Variants in ZNF385D observed in about 807,000 individuals in gnomAD.
ZNF385D encodes zinc finger protein 659.
Under a neutral mutation model 35.8 loss-of-function variants are expected in ZNF385D, and 15 were observed. That is an observed-to-expected ratio of 0.42 (90% CI 0.28 to 0.64). The LOEUF is 0.64. ZNF385D is among the 30% of genes least tolerant of loss of function. ZNF385D has a pLI of 0.23. For synonymous variants in ZNF385D, 212 were observed against 186.8 expected (o/e 1.13, Z -1.10); for missense variants, 474 against 494.6 (o/e 0.96, Z 0.39).
At chr3:22,173,019 G>C (rs1694569892) in intron 2 of ZNF385D, among the ~76,000 whole-genome samples, 1 of 152,190 alleles carries the variant, frequency 6.6e-6, no homozygotes, top group Non-Finnish European at 1.5e-5. Context: ...ACAGTGACAG[G>C]TCACATTGAT....
chr3:21,425,234 A>G (rs1700965149), intron 6 of ZNF385D, among the ~76,000 whole-genome samples: 1 of 152,246 alleles, frequency 6.6e-6, no homozygotes, highest in Admixed American at 6.5e-5. Flanking sequence ...AAGAATAGTA[A>G]AAACTCACAG....
chr3:22,065,939 G>A (rs1699927089), intron 3 of ZNF385D, among the ~76,000 whole-genome samples: 1 of 152,140 alleles, frequency 6.6e-6, no homozygotes, highest in African/African-American at 2.4e-5. Context: ...GTGGAGTGAG[G>A]AGAACAGTAT....
chr3:22,183,054 C>A (rs981778574), intron 2 of ZNF385D, among the ~76,000 whole-genome samples: 1 of 151,810 alleles, frequency 6.6e-6, no homozygotes, highest in Non-Finnish European at 1.5e-5. Flanking sequence ...CAAGGAAGAG[C>A]CTTAATAAAA....
chr3:22,339,607 AAAG>A (rs1349034059), intron 2 of ZNF385D, among the ~76,000 whole-genome samples: 3 of 152,220 alleles, frequency 2.0e-5, no homozygotes, highest in Non-Finnish European at 4.4e-5. Context: ...GCTCAGAAAT[AAAG>A]TAGTACCTCT....
chr3:22,114,302 T>A (rs562035735), intron 3 of ZNF385D, among the ~76,000 whole-genome samples: 38 of 152,082 alleles, frequency 2.5e-4, no homozygotes, highest in Non-Finnish European at 4.9e-4. Flanking sequence ...AACATTTGCA[T>A]ATATAAAATG....
chr3:21,753,848 C>G (rs983839561), upstream of ZNF385D, among the ~76,000 whole-genome samples: 9 of 151,892 alleles, frequency 5.9e-5, no homozygotes, highest in Non-Finnish European at 1.2e-4. Flanking sequence ...CCCTAATACT[C>G]TCACCCTGCA....
In ZNF385D at chr3:22,182,976, A is replaced by G. The variant is rs114578840; in HGVS notation, c.107-13941T>C. On this transcript the variant is annotated intron_variant, in intron 2 of 5. Transcript: ENST00000494108. ...ATGGATAGAAATATAGATCTAAGAA[A>G]AAATGTGAAAGATTAAGTATTAAAA... 5.2e-3 allele frequency among the ~76,000 whole-genome samples: 791 copies of G among 152,252 alleles called. 8 individuals carry two copies. The highest frequency in any genetic ancestry group is 0.018 in the African/African-American group (744 of 41,576).
At chr3:21,895,799 A>T (rs141047883) in intron 3 of ZNF385D, among the ~76,000 whole-genome samples, 250 of 152,258 alleles carry the variant, frequency 1.6e-3, no homozygotes, top group East Asian at 9.3e-3. Context: ...AGTGAATAGT[A>T]GTTTGCAAGA....
chr3:22,020,517 A>G (rs1175355928), intron 3 of ZNF385D, among the ~76,000 whole-genome samples: 1 of 152,004 alleles, frequency 6.6e-6, no homozygotes. Flanking sequence ...GCCAACAGGT[A>G]TATGAAAAAA....
intron 2 of ZNF385D, among the ~76,000 whole-genome samples, chr3:22,371,940 G>A (rs576830702): frequency 2.6e-5 from 4 of 152,202 alleles, no homozygotes; most frequent in African/African-American, 4.8e-5. Flanking sequence ...AGAAGAAGAA[G>A]AAGAAGGAAA....
chr3:21,749,690 C>G (rs2069964868), intron 1 of ZNF385D, among the ~76,000 whole-genome samples: 1 of 152,164 alleles, frequency 6.6e-6, no homozygotes, highest in South Asian at 2.1e-4. Context: ...TAAGACTTCT[C>G]TTCTAATATG....
intron 2 of ZNF385D, among the ~76,000 whole-genome samples, chr3:22,213,834 A>T (rs923808018): frequency 6.6e-6 from 1 of 152,094 alleles, no homozygotes; most frequent in Non-Finnish European, 1.5e-5. Context: ...TTAAAATCCT[A>T]AGTCCCAAAT....
chr3:21,661,397 A>G (rs150325489), intron 2 of ZNF385D, among the ~76,000 whole-genome samples: 1 of 152,174 alleles, frequency 6.6e-6, no homozygotes, highest in Non-Finnish European at 1.5e-5. Context: ...AGAGGTCATA[A>G]CATAATCTGT....
chr3:21,443,139 A>G, intron 4 of ZNF385D: 1 of 985,352 alleles, frequency 1.0e-6, no homozygotes, highest in Non-Finnish European at 1.2e-6. Context: ...GAGGCTGTGG[A>G]GAAATCAAGT....
intron 3 of ZNF385D, among the ~76,000 whole-genome samples, chr3:22,083,992 C>A (rs1045982381): frequency 3.4e-4 from 52 of 152,086 alleles, no homozygotes; most frequent in East Asian, 1.6e-3. Flanking sequence ...AAGCTTCATA[C>A]GTGAAGGAGA....
rs993156037 is a variant in ZNF385D at position 21,526,861 on chromosome 3, G to A, written c.277-15838C>T. Among the ~76,000 whole-genome samples, 7 of 152,256 alleles carry A rather than the reference G, an allele frequency of 4.6e-5. No homozygotes were observed. In the South Asian group the frequency reaches 1.0e-3, roughly 23 times the overall value. On this transcript the variant is annotated intron_variant, in intron 3 of 7. Transcript: ENST00000281523. ...CAAACTTCACCCATCTGACGCGATC[G>A]TTCTTAACTGAGCACTATTATCTTA...
chr3:22,245,836 A>G (rs902867592), intron 2 of ZNF385D, among the ~76,000 whole-genome samples: 2 of 152,086 alleles, frequency 1.3e-5, no homozygotes, highest in African/African-American at 4.8e-5. Context: ...ACAGATTGGA[A>G]AGAATTGTGA....
chr3:22,247,628 T>C (rs544315964), intron 2 of ZNF385D, among the ~76,000 whole-genome samples: 111 of 151,662 alleles, frequency 7.3e-4, no homozygotes, highest in Non-Finnish European at 1.2e-3. Flanking sequence ...TATTTATTTA[T>C]TTATTTATTT....
chr3:22,022,817 T>A (rs259438), intron 3 of ZNF385D, among the ~76,000 whole-genome samples: 30,704 of 151,996 alleles, frequency 0.2, 3,164 homozygotes, highest in South Asian at 0.33. Context: ...AAATAACATA[T>A]GCAAAATAGT....
Sources: allele counts gnomAD v4.1 joint callset (sites outside exome capture counted in the v4.1 genomes callset), GRCh38; gene constraint gnomAD v4.1.1; transcripts MANE v1.5; gene names NCBI Gene and HGNC (gene_info 2026-07-23, HGNC 2026-07-21).